Variants in DYNC2H1 observed in about 807,000 individuals in gnomAD.
DYNC2H1 encodes the protein cytoplasmic dynein 2 heavy chain 1.
A neutral mutation model predicts 570.0 loss-of-function variants in DYNC2H1; 410 were observed. The ratio of observed to expected loss-of-function variants is 0.72; its 90% CI spans 0.66 to 0.78. DYNC2H1 has a LOEUF of 0.78. DYNC2H1 is among the 30% of genes least tolerant of loss of function. The pLI is 0.00. For missense variants in DYNC2H1, 4,865 were observed against 5,046.4 expected, an observed-to-expected ratio of 0.96 and a Z score of 1.09; for synonymous variants, 1,688 against 1,677.6, an observed-to-expected ratio of 1.01 and a Z score of -0.15.
chr11:103,111,379 T>C lies in DYNC2H1; in HGVS notation c.195+1610T>C, dbSNP rs201030399. ...CGTTCATTTAATAGCCATAACGACATTGTAAGATAGGAACTATTCTTTTTC... is the reference window on the plus strand; with the variant it reads ...CGTTCATTTAATAGCCATAACGACACTGTAAGATAGGAACTATTCTTTTTC... On this transcript the variant is annotated intron_variant, in intron 1 of 88. Transcript: ENST00000375735. Among the ~76,000 whole-genome samples, 8 of 152,248 alleles carry C rather than the reference T, an allele frequency of 5.3e-5. No individual in the cohort carries two copies. In the East Asian group the frequency reaches 1.5e-3, roughly 29 times the overall value.
chr11:103,225,974 A>T (rs1863787197), intron 59 of DYNC2H1, among the ~76,000 whole-genome samples: 1 of 149,516 alleles, frequency 6.7e-6, no homozygotes, highest in Admixed American at 6.7e-5. Context: ...TTTTACAGCT[A>T]CTGTAAAAGG....
intron 83 of DYNC2H1, among the ~76,000 whole-genome samples, chr11:103,379,395 G>A (rs1230482970): frequency 1.3e-5 from 2 of 152,034 alleles, no homozygotes; most frequent in African/African-American, 4.8e-5. Flanking sequence ...TTTAATTCTT[G>A]TTTGTAAAAT....
At chr11:103,208,920 G>A (rs561840351) in intron 52 of DYNC2H1, among the ~76,000 whole-genome samples, 1 of 152,202 alleles carries the variant, frequency 6.6e-6, no homozygotes, top group Admixed American at 6.6e-5. Flanking sequence ...GATATTGTTT[G>A]AGGATAGACC....
chr11:103,457,286 C>A (rs1316092398), intron 87 of DYNC2H1, among the ~76,000 whole-genome samples: 2 of 151,798 alleles, frequency 1.3e-5, no homozygotes, highest in Admixed American at 1.3e-4. Context: ...GAGTGTACTC[C>A]TTCTAATTAT....
intron 61 of DYNC2H1, among the ~76,000 whole-genome samples, chr11:103,234,746 A>G (rs2135196139): frequency 6.6e-6 from 1 of 152,018 alleles, no homozygotes; most frequent in African/African-American, 2.4e-5. Flanking sequence ...CTACATTTCC[A>G]GACTACTGAG....
At chr11:103,377,238 T>G (rs1941428766) in intron 83 of DYNC2H1, among the ~76,000 whole-genome samples, 1 of 152,210 alleles carries the variant, frequency 6.6e-6, no homozygotes, top group Non-Finnish European at 1.5e-5. Flanking sequence ...CTTGCACTCA[T>G]GTAGTGCAAA....
chr11:103,296,894 G>A (rs1407195313), intron 75 of DYNC2H1, among the ~76,000 whole-genome samples: 3 of 151,798 alleles, frequency 2.0e-5, no homozygotes, highest in Non-Finnish European at 4.4e-5. Flanking sequence ...TCTCTTGATT[G>A]TTATGTTTCT....
intron 72 of DYNC2H1, 21 bp downstream of exon 72, chr11:103,282,250 C>T (rs886302071): frequency 6.2e-7 from 1 of 1,603,028 alleles, no homozygotes; most frequent in African/African-American, 1.3e-5. Context: ...ATAACAAAAT[C>T]TATTTTGCTC....
At chr11:103,428,309 G>GATTC (rs58462895) in intron 84 of DYNC2H1, among the ~76,000 whole-genome samples, 2 of 150,956 alleles carry the variant, frequency 1.3e-5, no homozygotes, top group East Asian at 3.9e-4. Flanking sequence ...ACCTACCATG[G>GATTC]TCTATATCAT....
chr11:103,233,618 T>G (rs559145935), intron 60 of DYNC2H1, among the ~76,000 whole-genome samples: 3 of 151,828 alleles, frequency 2.0e-5, no homozygotes, highest in Non-Finnish European at 4.4e-5. Flanking sequence ...ACACTGGAGA[T>G]GAAGGATAGG....
chr11:103,223,070 C>G lies in DYNC2H1; in HGVS notation c.9337C>G (p.Gln3113Glu), dbSNP rs1863653230. Reference sequence around the variant, plus strand: ...ACGAATTCATCCTTTGGAAACTGAACAGGCAGGATTAGAATCGTAAGTGAA... The same window carrying G: ...ACGAATTCATCCTTTGGAAACTGAAGAGGCAGGATTAGAATCGTAAGTGAA... Reference protein sequence around the residue: ...LERIHPLETEQAGLESNLKKT... With the variant: ...LERIHPLETEEAGLESNLKKT... The change falls in exon 59 of 89, where the codon CAG becomes GAG. Residue 3113 changes from glutamine (Q) to glutamate (E), a missense_variant. Around this residue, in one of 5 missense-constraint regions of DYNC2H1, gnomAD observed 2,401 missense variants for 2,454.6 expected, o/e 0.98. Transcript: ENST00000375735. 3.7e-6 allele frequency: 6 copies of G among 1,612,068 alleles called. No individual in the cohort carries two copies. The highest frequency in any genetic ancestry group is 2.2e-5 in the East Asian group (1 of 44,708).
chr11:103,267,588 T>C (rs1446828833), intron 70 of DYNC2H1, among the ~76,000 whole-genome samples: 1 of 152,048 alleles, frequency 6.6e-6, no homozygotes, highest in Non-Finnish European at 1.5e-5. Flanking sequence ...TTGTCTAATA[T>C]TGTATAATGT....
intron 37 of DYNC2H1, 44 bp downstream of exon 37, chr11:103,176,478 A>G (rs746750148): frequency 6.7e-6 from 9 of 1,347,190 alleles, no homozygotes; most frequent in Admixed American, 7.1e-5. Context: ...CCCTTTTCCT[A>G]GTTGATTCCT....
intron 70 of DYNC2H1, among the ~76,000 whole-genome samples, chr11:103,271,654 G>C (rs145342859): frequency 6.6e-6 from 1 of 152,154 alleles, no homozygotes; most frequent in Non-Finnish European, 1.5e-5. Flanking sequence ...ATATCAGGTA[G>C]TTATTTTACT....
In DYNC2H1 at chr11:103,109,669, T is replaced by A. The variant is rs1294892273; in HGVS notation, c.95T>A (p.Leu32Gln). 1 of 1,613,880 alleles carries A rather than the reference T, an allele frequency of 6.2e-7. No individual in the cohort carries two copies. Among genetic ancestry groups the A allele is most frequent in the Admixed American group, 1.7e-5 (1 of 60,002 alleles). The change falls in exon 1 of 89, where the codon CTG becomes CAG. Residue 32 changes from leucine to glutamine, a missense_variant. By Grantham distance (113) the Leu-to-Gln change is moderately radical. This residue lies in a region of DYNC2H1 where 1,936 missense variants were observed against 1,962.1 expected (regional missense o/e 0.99). Coordinates refer to ENST00000375735, the MANE Select transcript of DYNC2H1 (RefSeq NM_001377.3). ...GLMSELWDQP[L>Q]LCNCLEINNF... ...ATGTCTGAACTCTGGGATCAGCCAC[T>A]GTTGTGCAACTGTCTTGAAATCAAC...
intron 83 of DYNC2H1, among the ~76,000 whole-genome samples, chr11:103,386,450 C>CCACA (rs111771901): frequency 0.013 from 2,013 of 150,812 alleles, 46 homozygotes; most frequent in African/African-American, 0.046. Flanking sequence ...TTAAAACACA[C>CCACA]CACACACACA....
At chr11:103,304,527 C>T in intron 76 of DYNC2H1, 68 bp from the exon 77 acceptor site, 3 of 1,513,762 alleles carry the variant, frequency 2.0e-6, no homozygotes, top group Non-Finnish European at 2.7e-6. Flanking sequence ...TATTGAATCT[C>T]ATACTGTTAT....
At chr11:103,330,539 A>C (rs1938725937) in intron 82 of DYNC2H1, among the ~76,000 whole-genome samples, 1 of 148,740 alleles carries the variant, frequency 6.7e-6, no homozygotes, top group East Asian at 2.0e-4. Context: ...TGAAAACTAA[A>C]CAATAAATTT....
At position 103,287,837 on chromosome 11, in the gene DYNC2H1, T is replaced by C. The variant is rs1273084147; in HGVS notation, c.11095+232T>C. On this transcript the variant is annotated intron_variant, in intron 75 of 88. Transcript: ENST00000375735. ...AACTTGCCTGCTGCCTAGACAGAGC[T>C]GATTTAGCAAGACAGGAGAATTGCC... 3 of 406,342 alleles carry C rather than the reference T, an allele frequency of 7.4e-6. No individual in the cohort carries two copies. The East Asian group carries it at 1.2e-4, about 16-fold the overall frequency. 25.2% of individuals were successfully genotyped at this position (406,342 alleles called of 1,614,324 possible).
Sources: allele counts gnomAD v4.1 joint callset (sites outside exome capture counted in the v4.1 genomes callset), GRCh38; gene constraint gnomAD v4.1.1; regional missense constraint gnomAD v4.1.1; transcripts MANE v1.5; gene names NCBI Gene and HGNC (gene_info 2026-07-23, HGNC 2026-07-21).